PLA2R1: variants seen among roughly 807,000 people sequenced by gnomAD.
PLA2R1 encodes the protein phospholipase A2 receptor 1.
A neutral mutation model predicts 195.9 loss-of-function variants in PLA2R1; 158 were observed. That is an observed-to-expected ratio of 0.81 (90% confidence interval 0.71 to 0.92). The LOEUF (loss-of-function observed/expected upper bound fraction) is 0.92, where lower values mean the gene tolerates loss of function less well. Ranked by LOEUF, PLA2R1 falls within the 40% of genes least tolerant of loss-of-function variation. The pLI, the probability that PLA2R1 is intolerant of heterozygous loss-of-function variation, is 0.00. For missense variants in PLA2R1, 1,626 were observed against 1,764.6 expected (o/e 0.92, Z 1.41); for synonymous variants, 586 against 598.2 (o/e 0.98, Z 0.30).
rs7566824 is a variant in PLA2R1 at position 159,934,263 on chromosome 2, A to G, written c.*7515T>C. 0.21 allele frequency: 32,573 copies of G among 152,228 alleles called. 3,996 individuals are homozygous for G. Among genetic ancestry groups the G allele is most frequent in the Admixed American group, 0.36 (5,566 of 15,282 alleles). 9.4% of individuals were successfully genotyped at this position (152,228 alleles called of 1,614,324 possible). ...GCACGAGGTTGTAGGGGATAGCAGG[A>G]CTATGAGAATTAGAAGTACTGACAA... On this transcript the variant is annotated 3_prime_UTR_variant, in exon 30 of 30. Transcript: ENST00000283243.
intron 4 of PLA2R1, among the ~76,000 whole-genome samples, chr2:160,032,180 C>G (rs6726925): frequency 6.6e-6 from 1 of 152,074 alleles, no homozygotes; most frequent in Admixed American, 6.5e-5. Flanking sequence ...CTATGGGAAC[C>G]TTTTTATTGG....
At chr2:160,040,280 C>A (rs1039391624) in intron 3 of PLA2R1, among the ~76,000 whole-genome samples, 1 of 151,848 alleles carries the variant, frequency 6.6e-6, no homozygotes, top group Non-Finnish European at 1.5e-5. Context: ...ACCCCCACTA[C>A]CCAGGCTTCC....
intron 28 of PLA2R1, 24 bp downstream of exon 28, chr2:159,944,882 G>T (rs1687285211): frequency 6.4e-7 from 1 of 1,574,698 alleles, no homozygotes; most frequent in Admixed American, 1.7e-5. Context: ...TCAAAATGAA[G>T]AATTACTCTC....
At chr2:159,925,537 C>A in the PLA2R1 span, among the ~76,000 whole-genome samples, 17 of 125,296 alleles carry the variant, frequency 1.4e-4, no homozygotes, top group Admixed American at 4.3e-4. Context: ...TAAAAACTTT[C>A]TTTTAGAAGG....
intron 20 of PLA2R1, among the ~76,000 whole-genome samples, chr2:159,960,557 G>A (rs1243407771): frequency 6.6e-6 from 1 of 152,154 alleles, no homozygotes; most frequent in East Asian, 1.9e-4. Context: ...ACTAGACAGT[G>A]CAAAGCAGCC....
chr2:159,969,395 A>G, intron 18 of PLA2R1, 36 bp from the exon 19 acceptor site: 1 of 1,078,450 alleles, frequency 9.3e-7, no homozygotes, highest in East Asian at 2.4e-5. Flanking sequence ...GTCTTCTCTC[A>G]TTCTGCATGT....
intron 18 of PLA2R1, among the ~76,000 whole-genome samples, chr2:159,969,813 G>A (rs1333239620): frequency 5.3e-5 from 8 of 152,162 alleles, no homozygotes; most frequent in Non-Finnish European, 1.2e-4. Context: ...AAAGTACTGG[G>A]ATTACAGGTG....
chr2:159,963,083 A>G (rs1688561496), intron 20 of PLA2R1, among the ~76,000 whole-genome samples: 1 of 152,172 alleles, frequency 6.6e-6, no homozygotes, highest in Non-Finnish European at 1.5e-5. Context: ...TAACTAGGAC[A>G]GTTGTGTTCA....
chr2:159,949,847 A>G, intron 24 of PLA2R1, 71 bp from the exon 25 acceptor site: 1 of 1,239,062 alleles, frequency 8.1e-7, no homozygotes, highest in South Asian at 1.3e-5. Flanking sequence ...TTATCTGAGC[A>G]TGCTACAATT....
In PLA2R1 at chr2:159,939,077, G is replaced by A. The variant is rs1396861711; in HGVS notation, c.*2701C>T. ...TTTGGCATAAATGTAAGGAGTACAA[G>A]TGTAATTTTGTTACATAAATACAGT... On this transcript the variant is annotated 3_prime_UTR_variant, in exon 30 of 30. Transcript: ENST00000283243. 1 of 152,192 alleles carries A rather than the reference G, an allele frequency of 6.6e-6. No homozygotes were observed. Among genetic ancestry groups the A allele is most frequent in the African/African-American group, 2.4e-5 (1 of 41,458 alleles). 9.4% of individuals were successfully genotyped at this position (152,192 alleles called of 1,614,324 possible). A position where few individuals can be genotyped will look rare whatever the true frequency, so the allele number is the denominator to read the frequency against.
intron 3 of PLA2R1, among the ~76,000 whole-genome samples, chr2:160,038,543 C>T (rs572087323): frequency 5.9e-5 from 9 of 152,058 alleles, no homozygotes; most frequent in Middle Eastern, 3.4e-3. Context: ...ATCATCCTCG[C>T]GCATAGAAGG....
chr2:159,951,679 A>G, intron 23 of PLA2R1, 101 bp from the exon 24 acceptor site: 1 of 700,322 alleles, frequency 1.4e-6, no homozygotes, highest in East Asian at 2.5e-5. Flanking sequence ...CATGTTGATC[A>G]GAGTGCTTTC....
At chr2:160,017,612 G>T (rs1480578467) in intron 8 of PLA2R1, among the ~76,000 whole-genome samples, 2 of 152,144 alleles carry the variant, frequency 1.3e-5, no homozygotes, top group African/African-American at 4.8e-5. Context: ...ATGCTAGGCA[G>T]ATACCTTCAT....
At chr2:159,990,288 T>C (rs570406913) in intron 11 of PLA2R1, among the ~76,000 whole-genome samples, 1 of 152,276 alleles carries the variant, frequency 6.6e-6, no homozygotes, top group Admixed American at 6.5e-5. Context: ...AATCTCACAT[T>C]TTAACAGATT....
At chr2:159,951,691 T>G in intron 23 of PLA2R1, 113 bp from the exon 24 acceptor site, 2 of 670,276 alleles carry the variant, frequency 3.0e-6, no homozygotes, top group Non-Finnish European at 5.4e-6. Context: ...AGTGCTTTCT[T>G]CTGGAATTGA....
chr2:159,972,424 T>C (rs761870468), intron 17 of PLA2R1, among the ~76,000 whole-genome samples: 2 of 152,228 alleles, frequency 1.3e-5, no homozygotes, highest in South Asian at 2.1e-4. Context: ...ACATCAACTA[T>C]GTTTTGGTAT....
downstream of PLA2R1, among the ~76,000 whole-genome samples, chr2:159,931,539 C>G: frequency 6.6e-6 from 1 of 152,106 alleles, no homozygotes; most frequent in Admixed American, 6.5e-5. Flanking sequence ...TTGGGGCTTG[C>G]ACTCAAATTG....
chr2:159,995,875 A>C (rs761877602), intron 11 of PLA2R1, among the ~76,000 whole-genome samples: 1 of 152,088 alleles, frequency 6.6e-6, no homozygotes, highest in Non-Finnish European at 1.5e-5. Context: ...CCACAGTGGT[A>C]CATTTATTAC....
rs1421413237 is a variant in PLA2R1 at position 159,940,630 on chromosome 2, GTTTTC to G, written c.*1143_*1147del. The G allele has an allele frequency of 3.3e-5, 5 of 151,984 alleles. No homozygotes were observed. The highest frequency in any genetic ancestry group is 4.8e-5 in the African/African-American group (2 of 41,356). 9.4% of individuals were successfully genotyped at this position (151,984 alleles called of 1,614,324 possible). A position where few individuals can be genotyped will look rare whatever the true frequency, so the allele number is the denominator to read the frequency against. ...ATTTTTAGATATTGATTATGAAGCT[GTTTTC>G]TTTATAAGGAACTAATAAAGGAAAA... On this transcript the variant is annotated 3_prime_UTR_variant, in exon 30 of 30. Coordinates refer to ENST00000283243, the MANE Select transcript of PLA2R1 (RefSeq NM_007366.5).
Sources: gnomAD v4.1 joint callset for allele counts (sites outside exome capture counted in the v4.1 genomes callset) on GRCh38, gnomAD v4.1.1 for gene constraint, MANE v1.5 for transcripts, NCBI Gene and HGNC (gene_info 2026-07-23, HGNC 2026-07-21) for gene names.